ANKS1B: variants seen among roughly 807,000 people sequenced by gnomAD.
ANKS1B encodes the protein ankyrin repeat and sterile alpha motif domain-containing protein 1B.
In ANKS1B, 36 loss-of-function variants were observed where a neutral mutation model predicts 148.3. That is an observed-to-expected ratio of 0.24 (90% confidence interval 0.19 to 0.32). The LOEUF (loss-of-function observed/expected upper bound fraction) is 0.32. Ranked by LOEUF, ANKS1B falls within the 10% of genes least tolerant of loss-of-function variation. The pLI, the probability that ANKS1B is intolerant of heterozygous loss-of-function variation, is 1.00. For synonymous variants in ANKS1B, 542 were observed against 560.8 expected, an observed-to-expected ratio of 0.97 and a Z score of 0.47; for missense variants, 1,157 against 1,542.6, an observed-to-expected ratio of 0.75 and a Z score of 4.19.
At chr12:98,900,667 T>C (rs2099770754) in intron 17 of ANKS1B, among the ~76,000 whole-genome samples, 1 of 152,244 alleles carries the variant, frequency 6.6e-6, no homozygotes, top group South Asian at 2.1e-4. Context: ...AATTGTGTGT[T>C]TGCAGGTGTG....
chr12:98,910,892 A>C (rs1480046682), intron 17 of ANKS1B, among the ~76,000 whole-genome samples: 2 of 152,208 alleles, frequency 1.3e-5, no homozygotes, highest in Non-Finnish European at 2.9e-5. Flanking sequence ...AGGAAATAAC[A>C]AACAAGCATC....
At chr12:98,795,092 T>G (rs532729841) in intron 22 of ANKS1B, 5 of 566,308 alleles carry the variant, frequency 8.8e-6, no homozygotes, top group Non-Finnish European at 1.6e-5. Flanking sequence ...TAAAATATAT[T>G]TTTCCTACCT....
chr12:98,807,771 G>T, intron 20 of ANKS1B, 73 bp downstream of exon 20: 2 of 1,297,662 alleles, frequency 1.5e-6, no homozygotes, highest in Non-Finnish European at 2.2e-6. Context: ...AGTACCTATA[G>T]CTGTTGACAA....
chr12:99,139,604 C>A (rs2069866452), intron 15 of ANKS1B, among the ~76,000 whole-genome samples: 3 of 148,998 alleles, frequency 2.0e-5, no homozygotes, highest in South Asian at 4.3e-4. Context: ...ACACTAATTT[C>A]TCCAATAGTT....
intron 9 of ANKS1B, among the ~76,000 whole-genome samples, chr12:99,532,115 GT>G (rs1283394475): frequency 2.0e-5 from 3 of 151,910 alleles, no homozygotes; most frequent in African/African-American, 7.3e-5. Context: ...CAGATATACA[GT>G]TTGTGGATAT....
At chr12:99,925,353 C>T (rs529595965) in intron 1 of ANKS1B, among the ~76,000 whole-genome samples, 5 of 152,276 alleles carry the variant, frequency 3.3e-5, no homozygotes, top group African/African-American at 1.2e-4. Context: ...CAAAGGATTA[C>T]ATACTTGGCT....
At chr12:98,957,014 A>C (rs529046490) in intron 17 of ANKS1B, among the ~76,000 whole-genome samples, 2 of 152,270 alleles carry the variant, frequency 1.3e-5, no homozygotes, top group African/African-American at 4.8e-5. Context: ...TCTTCTAAAA[A>C]TGTTTCCTCC....
intron 12 of ANKS1B, among the ~76,000 whole-genome samples, chr12:99,389,323 A>G (rs186265908): frequency 2.6e-5 from 4 of 152,214 alleles, no homozygotes; most frequent in Admixed American, 2.0e-4. Flanking sequence ...TGCAGAGAGC[A>G]AGAGGGGAAG....
chr12:99,118,748 A>T (rs780584166), intron 15 of ANKS1B, among the ~76,000 whole-genome samples: 9 of 152,242 alleles, frequency 5.9e-5, no homozygotes, highest in Non-Finnish European at 1.2e-4. Context: ...ATGAATGAGC[A>T]GTCAAAAATG....
intron 1 of ANKS1B, among the ~76,000 whole-genome samples, chr12:99,867,254 T>A (rs919899449): frequency 3.9e-5 from 6 of 152,018 alleles, no homozygotes; most frequent in African/African-American, 1.5e-4. Flanking sequence ...TACATCAAAA[T>A]TATAACACAA....
chr12:99,175,315 C>A (rs1482826537), intron 14 of ANKS1B, among the ~76,000 whole-genome samples: 1 of 152,110 alleles, frequency 6.6e-6, no homozygotes, highest in East Asian at 1.9e-4. Context: ...TGCTTGAGAC[C>A]AGAAGTGTTT....
chr12:99,396,984 A>C (rs1250162864), intron 12 of ANKS1B, among the ~76,000 whole-genome samples: 1 of 152,142 alleles, frequency 6.6e-6, no homozygotes, highest in Non-Finnish European at 1.5e-5. Flanking sequence ...TGTTTGAATA[A>C]TAATTATATG....
At chr12:99,289,579 C>A (rs919643977) in intron 12 of ANKS1B, among the ~76,000 whole-genome samples, 1 of 151,878 alleles carries the variant, frequency 6.6e-6, no homozygotes, top group Non-Finnish European at 1.5e-5. Flanking sequence ...TCTTCTCTGA[C>A]CACAATGGAA....
At chr12:99,140,449 G>C (rs146880944) in intron 15 of ANKS1B, among the ~76,000 whole-genome samples, 25 of 152,286 alleles carry the variant, frequency 1.6e-4, no homozygotes, top group Middle Eastern at 3.4e-3. Context: ...GAGCAATGAA[G>C]CCCTGTGCCA....
intron 12 of ANKS1B, among the ~76,000 whole-genome samples, chr12:99,284,079 T>G (rs2154002119): frequency 6.6e-6 from 1 of 152,314 alleles, no homozygotes; most frequent in Non-Finnish European, 1.5e-5. Context: ...AGGAATACTT[T>G]TTCATAAAGA....
intron 17 of ANKS1B, among the ~76,000 whole-genome samples, chr12:98,981,380 G>C (rs1323440439): frequency 1.3e-5 from 2 of 152,012 alleles, no homozygotes; most frequent in Non-Finnish European, 2.9e-5. Flanking sequence ...CTGTCGCCCA[G>C]GCTGGAGTGC....
At chr12:99,325,678 T>C (rs1325441875) in intron 12 of ANKS1B, among the ~76,000 whole-genome samples, 2 of 152,082 alleles carry the variant, frequency 1.3e-5, no homozygotes, top group African/African-American at 4.8e-5. Context: ...AAACGGAAAT[T>C]TTCAATAAGT....
intron 17 of ANKS1B, among the ~76,000 whole-genome samples, chr12:99,010,497 C>T (rs1429767625): frequency 6.6e-6 from 1 of 152,058 alleles, no homozygotes; most frequent in East Asian, 1.9e-4. Context: ...CATATGTATG[C>T]CCCAGATACT....
chr12:98,900,595 CTTTTGGT>C (rs1253989327), intron 17 of ANKS1B, among the ~76,000 whole-genome samples: 2 of 151,942 alleles, frequency 1.3e-5, no homozygotes, highest in Non-Finnish European at 2.9e-5. Flanking sequence ...GAGAGCATGC[CTTTTGGT>C]TTTATATTAA....
Sources: allele counts gnomAD v4.1 joint callset (sites outside exome capture counted in the v4.1 genomes callset), GRCh38; gene constraint gnomAD v4.1.1; transcripts MANE v1.5; gene names NCBI Gene and HGNC (gene_info 2026-07-23, HGNC 2026-07-21).